MAGI3: variants seen among roughly 807,000 people sequenced by gnomAD.
MAGI3 encodes membrane associated guanylate kinase, WW and PDZ domain containing 3, also known as membrane-associated guanylate kinase, WW and PDZ domain-containing protein 3.
In MAGI3, 43 loss-of-function variants were observed where a neutral mutation model predicts 121.8. The observed-to-expected ratio is 0.35, with a 90% CI of 0.28 to 0.46. MAGI3 has a LOEUF of 0.46. Among genes scored for constraint, MAGI3 ranks in the 20% least tolerant of loss-of-function variants. The probability of loss-of-function intolerance (pLI) is 1.00; values close to 1 mark genes in which losing one functional copy is unlikely to be tolerated. For missense variants in MAGI3, 1,547 were observed against 1,797.3 expected (o/e 0.86, Z 2.52); for synonymous variants, 553 against 639.3 (o/e 0.86, Z 2.04).
intron 2 of MAGI3, among the ~76,000 whole-genome samples, chr1:113,576,418 C>G (rs1647644740): frequency 6.6e-6 from 1 of 152,108 alleles, no homozygotes; most frequent in Admixed American, 6.6e-5. Flanking sequence ...GAGGGAGTTC[C>G]CTGGCTCCTT....
At chr1:113,423,780 G>T (rs1187001901) in intron 1 of MAGI3, among the ~76,000 whole-genome samples, 1 of 152,046 alleles carries the variant, frequency 6.6e-6, no homozygotes, top group Non-Finnish European at 1.5e-5. Context: ...TTTCACCAGG[G>T]ACCGTCCCTT....
intron 1 of MAGI3, among the ~76,000 whole-genome samples, chr1:113,409,959 C>T (rs185958292): frequency 2.0e-5 from 3 of 152,188 alleles, no homozygotes; most frequent in African/African-American, 7.2e-5. Flanking sequence ...CAAGTCACGC[C>T]GTTAAACGTA....
intron 1 of MAGI3, among the ~76,000 whole-genome samples, chr1:113,538,574 A>G (rs1209701183): frequency 6.6e-6 from 1 of 152,198 alleles, no homozygotes; most frequent in Non-Finnish European, 1.5e-5. Flanking sequence ...TCATAATCCC[A>G]TAAAAAGTTT....
At chr1:113,565,731 T>G (rs1660412187) in intron 2 of MAGI3, among the ~76,000 whole-genome samples, 1 of 152,224 alleles carries the variant, frequency 6.6e-6, no homozygotes, top group Non-Finnish European at 1.5e-5. Context: ...AATATACATA[T>G]CATCTTATTA....
chr1:113,452,036 T>C (rs1421949646), intron 1 of MAGI3, among the ~76,000 whole-genome samples: 1 of 152,166 alleles, frequency 6.6e-6, no homozygotes, highest in Non-Finnish European at 1.5e-5. Flanking sequence ...ATGACCACTT[T>C]TTGCTCTGGA....
At position 113,642,645 on chromosome 1, in the gene MAGI3, A is replaced by T. The variant is rs942735064; in HGVS notation, c.1966+129A>T. On this transcript the variant is annotated intron_variant, in intron 10 of 20. Transcript: ENST00000307546. ...TAGTAATTAGTGTGCATTTTCCTTA[A>T]GGTTCTGTCTGATTGTTTCCATAAG... 15 of 1,041,324 alleles carry T rather than the reference A, an allele frequency of 1.4e-5. No individual in the cohort carries two copies. In the Admixed American group the frequency reaches 3.9e-4, roughly 27 times the overall value. The allele number at this position is 1,041,324 out of a possible 1,614,324, so 64.5% of individuals were successfully genotyped here. A position where few individuals can be genotyped will look rare whatever the true frequency, so the allele number is the denominator to read the frequency against.
intron 9 of MAGI3, among the ~76,000 whole-genome samples, chr1:113,629,788 C>G (rs1473112779): frequency 6.9e-6 from 1 of 143,960 alleles, no homozygotes; most frequent in African/African-American, 2.6e-5. Context: ...CCCTCCCTCA[C>G]TCTCTGTCTC....
rs139881252 is a variant in MAGI3 at position 113,488,712 on chromosome 1, A to AT, written c.317-60801dup. On this transcript the variant is annotated intron_variant, in intron 1 of 20. Transcript: ENST00000307546. The stretch of plus-strand genomic sequence containing the variant: ...CGACCCCCTCCACCCACCAACTGCC[A>AT]TTGCAGGCAGAGCCTTGGCAGACAC... Among the ~76,000 whole-genome samples the AT allele has an allele frequency of 2.1e-3, 313 of 152,286 alleles. 4 individuals carry two copies. Among genetic ancestry groups the AT allele is most frequent in the African/African-American group, 7.3e-3 (304 of 41,564 alleles).
intron 1 of MAGI3, among the ~76,000 whole-genome samples, chr1:113,531,268 G>T (rs1439483851): frequency 1.3e-5 from 2 of 152,080 alleles, no homozygotes; most frequent in Non-Finnish European, 2.9e-5. Flanking sequence ...CAATTATTTA[G>T]AATTTAGAAC....
intron 1 of MAGI3, among the ~76,000 whole-genome samples, chr1:113,492,350 G>A (rs902682783): frequency 6.6e-6 from 1 of 152,036 alleles, no homozygotes; most frequent in African/African-American, 2.4e-5. Flanking sequence ...AATAAACTAG[G>A]TATCAAAGGA....
At chr1:113,616,909 G>C (rs1221572700) in intron 7 of MAGI3, among the ~76,000 whole-genome samples, 1 of 139,904 alleles carries the variant, frequency 7.1e-6, no homozygotes, top group African/African-American at 2.6e-5. Flanking sequence ...TTTTTGAGAC[G>C]GAGTTTTACT....
At chr1:113,491,525 T>C (rs966844701) in intron 1 of MAGI3, among the ~76,000 whole-genome samples, 1 of 151,848 alleles carries the variant, frequency 6.6e-6, no homozygotes, top group African/African-American at 2.4e-5. Context: ...ATAACCAAAA[T>C]TAGAGCGAAC....
chr1:113,445,131 A>G (rs1036332483), intron 1 of MAGI3, among the ~76,000 whole-genome samples: 15 of 152,186 alleles, frequency 9.9e-5, no homozygotes, highest in African/African-American at 3.4e-4. Context: ...GTGGACCAAC[A>G]TAAACATTGT....
At chr1:113,430,453 G>T (rs184123094) in intron 1 of MAGI3, among the ~76,000 whole-genome samples, 1 of 152,120 alleles carries the variant, frequency 6.6e-6, no homozygotes, top group South Asian at 2.1e-4. Context: ...ATTATACAAA[G>T]TCATATATGG....
chr1:113,661,807 A>C (rs1488759564), intron 16 of MAGI3, among the ~76,000 whole-genome samples: 7 of 152,194 alleles, frequency 4.6e-5, no homozygotes, highest in Non-Finnish European at 1.0e-4. Flanking sequence ...GCCTCTTAAA[A>C]TACAGTCACA....
chr1:113,416,350 A>C (rs1440306115), intron 1 of MAGI3, among the ~76,000 whole-genome samples: 1 of 73,464 alleles, frequency 1.4e-5, no homozygotes, highest in African/African-American at 4.5e-5. Context: ...TATATTAATT[A>C]TATATTAATT....
At chr1:113,412,961 G>T (rs566444379) in intron 1 of MAGI3, among the ~76,000 whole-genome samples, 2 of 152,164 alleles carry the variant, frequency 1.3e-5, no homozygotes, top group African/African-American at 2.4e-5. Flanking sequence ...CCATGCCTAT[G>T]TCCTGAATGG....
chr1:113,657,677 C>T (rs956083177), intron 15 of MAGI3, among the ~76,000 whole-genome samples: 1 of 152,156 alleles, frequency 6.6e-6, no homozygotes, highest in Non-Finnish European at 1.5e-5. Context: ...TATGACCTGC[C>T]GTATGTTTCT....
At chr1:113,438,767 T>C (rs1653767162) in intron 1 of MAGI3, among the ~76,000 whole-genome samples, 1 of 152,210 alleles carries the variant, frequency 6.6e-6, no homozygotes, top group African/African-American at 2.4e-5. Context: ...CCTCCCACAT[T>C]GAGGGTCACA....
Sources: allele counts gnomAD v4.1 joint callset (sites outside exome capture counted in the v4.1 genomes callset), GRCh38; gene constraint gnomAD v4.1.1; transcripts MANE v1.5; gene names NCBI Gene and HGNC (gene_info 2026-07-23, HGNC 2026-07-21).